Variants in FCF1 observed in about 807,000 individuals in gnomAD.
The protein encoded by FCF1 is rRNA-processing protein FCF1 homolog.
Under a neutral mutation model 32.5 loss-of-function variants are expected in FCF1, and 17 were observed. That is an observed-to-expected ratio of 0.52 (90% confidence interval 0.36 to 0.78). FCF1 has a LOEUF of 0.78. Ranked by LOEUF, FCF1 falls within the 30% of genes least tolerant of loss-of-function variation. The probability of loss-of-function intolerance (pLI) is 0.00; values close to 1 mark genes in which losing one functional copy is unlikely to be tolerated. For synonymous variants in FCF1, 84 were observed against 78.4 expected, an observed-to-expected ratio of 1.07 and a Z score of -0.38; for missense variants, 201 against 241.1, an observed-to-expected ratio of 0.83 and a Z score of 1.10.
intron 5 of FCF1, among the ~76,000 whole-genome samples, chr14:74,732,033 A>G (rs1390820232): frequency 6.6e-6 from 1 of 152,180 alleles, no homozygotes; most frequent in East Asian, 1.9e-4. Context: ...GTCCATTCTC[A>G]TACCCCAAGA....
chr14:74,726,210 G>A (rs1369645781), intron 5 of FCF1, among the ~76,000 whole-genome samples: 5 of 152,028 alleles, frequency 3.3e-5, no homozygotes, highest in Non-Finnish European at 2.9e-5. Flanking sequence ...CAGCAGTCAG[G>A]CACTGTGGCT....
At chr14:74,733,424 T>A (rs889154434) in intron 6 of FCF1, among the ~76,000 whole-genome samples, 10 of 3,388 alleles carry the variant, frequency 3.0e-3, no homozygotes, top group African/African-American at 0.015. Flanking sequence ...ATGGGGCGGG[T>A]GGGTGGGGCC....
chr14:74,719,519 G>A (rs1202874843), intron 4 of FCF1, among the ~76,000 whole-genome samples: 1 of 152,092 alleles, frequency 6.6e-6, no homozygotes, highest in Non-Finnish European at 1.5e-5. Context: ...CCAACGCTTT[G>A]GGAGGCCAAG....
chr14:74,719,129 CAA>C (rs1167421434), intron 4 of FCF1, among the ~76,000 whole-genome samples: 1 of 34,298 alleles, frequency 2.9e-5, no homozygotes, highest in Non-Finnish European at 5.6e-5. Context: ...GACTCTGTCT[CAA>C]AAAAAAAAAA....
intron 5 of FCF1, among the ~76,000 whole-genome samples, chr14:74,729,239 T>C (rs994125712): frequency 2.0e-5 from 3 of 152,120 alleles, no homozygotes; most frequent in African/African-American, 7.2e-5. Flanking sequence ...TCCTGGACTC[T>C]TTTTGGTTGG....
intron 5 of FCF1, among the ~76,000 whole-genome samples, chr14:74,723,684 C>T (rs1162458678): frequency 7.2e-5 from 11 of 151,740 alleles, no homozygotes; most frequent in African/African-American, 1.2e-4. Flanking sequence ...CAAAATTAGC[C>T]GGCTGTGGTG....
At position 74,713,267 on chromosome 14, in the gene FCF1, G is replaced by C. The variant is rs544116989; in HGVS notation, c.3+67G>C. ...TTTTGGGTGGAGAAGGAGGTAGTCA[G>C]ACCGTGGCCAAATTTCCTTCACATT... On this transcript the variant is annotated intron_variant, in intron 1 of 7. Transcript: ENST00000341162. 4.5e-4 allele frequency: 728 copies of C among 1,614,164 alleles called. 2 individuals carry two copies. The highest frequency in any genetic ancestry group is 5.6e-4 in the Non-Finnish European group (659 of 1,180,038).
At chr14:74,718,563 T>C (rs2090453046) in intron 4 of FCF1, among the ~76,000 whole-genome samples, 1 of 152,032 alleles carries the variant, frequency 6.6e-6, no homozygotes, top group South Asian at 2.1e-4. Context: ...AACCTCTGCC[T>C]CCCAGGTTCA....
chr14:74,726,657 C>T (rs1285164378), intron 5 of FCF1, among the ~76,000 whole-genome samples: 1 of 150,794 alleles, frequency 6.6e-6, no homozygotes. Flanking sequence ...GCACAATGTG[C>T]AGGTTAGTTA....
At chr14:74,730,399 T>A (rs1047697412) in intron 5 of FCF1, among the ~76,000 whole-genome samples, 18 of 151,884 alleles carry the variant, frequency 1.2e-4, no homozygotes, top group African/African-American at 3.6e-4. Flanking sequence ...TTCTTTTGCA[T>A]GGCTAATTTT....
At chr14:74,730,027 G>A (rs1161435156) in intron 5 of FCF1, among the ~76,000 whole-genome samples, 1 of 151,952 alleles carries the variant, frequency 6.6e-6, no homozygotes, top group Admixed American at 6.6e-5. Flanking sequence ...TTCCAAGTAT[G>A]TGGTCAATTT....
intron 5 of FCF1, among the ~76,000 whole-genome samples, chr14:74,725,029 T>C (rs2090557183): frequency 6.6e-6 from 1 of 151,890 alleles, no homozygotes; most frequent in African/African-American, 2.4e-5. Flanking sequence ...GTGTGCATAC[T>C]GTACGCTAGA....
At chr14:74,730,751 G>A (rs554341639) in intron 5 of FCF1, among the ~76,000 whole-genome samples, 64 of 152,294 alleles carry the variant, frequency 4.2e-4, no homozygotes, top group African/African-American at 1.4e-3. Flanking sequence ...TGTAATCCTA[G>A]CACTTTGGGA....
chr14:74,732,890 C>G (rs1302172369), intron 6 of FCF1, 72 bp downstream of exon 6: 2 of 901,054 alleles, frequency 2.2e-6, no homozygotes, highest in African/African-American at 3.4e-5. Context: ...CCTGAATGTT[C>G]ATGGTCAGTA....
At chr14:74,722,640 T>G (rs1282572437) in intron 4 of FCF1, among the ~76,000 whole-genome samples, 33 of 152,210 alleles carry the variant, frequency 2.2e-4, no homozygotes, top group Non-Finnish European at 7.4e-5. Flanking sequence ...ACATTTAAAT[T>G]TTATTTCATC....
intron 4 of FCF1, among the ~76,000 whole-genome samples, chr14:74,717,936 G>C (rs542629097): frequency 2.6e-4 from 40 of 152,192 alleles, no homozygotes; most frequent in Middle Eastern, 3.4e-3. Flanking sequence ...GTGCGTTGGC[G>C]TGATCTCAGC....
At chr14:74,717,718 G>GGTC (rs2090440438) in intron 4 of FCF1, among the ~76,000 whole-genome samples, 1 of 152,152 alleles carries the variant, frequency 6.6e-6, no homozygotes, top group African/African-American at 2.4e-5. Flanking sequence ...GGAATGCTGT[G>GGTC]ACCTACTTAT....
Position 74,735,145 on chromosome 14 carries a change from C to T in FCF1, c.*215C>T, listed in dbSNP as rs1594794457. On this transcript the variant is annotated 3_prime_UTR_variant, in exon 8 of 8. Coordinates refer to ENST00000341162, the MANE Select transcript of FCF1 (RefSeq NM_015962.5). ...TTACCTTTTAAGCATTTTGTGGGGC[C>T]GCGGGGGTTGGGGGGAATCTGTGCA... 4 of 273,852 alleles carry T rather than the reference C, an allele frequency of 1.5e-5. No homozygotes were observed. The highest frequency in any genetic ancestry group is 1.7e-4 in the East Asian group (2 of 11,662). The allele number at this position is 273,852 out of a possible 1,614,324, so 17.0% of individuals were successfully genotyped here.
At chr14:74,734,568 C>CA (rs1385616958) in intron 7 of FCF1, among the ~76,000 whole-genome samples, 4 of 150,678 alleles carry the variant, frequency 2.7e-5, no homozygotes, top group African/African-American at 9.7e-5. Context: ...TGTCAGTACT[C>CA]AGACTTATTT....
Sources: allele counts gnomAD v4.1 joint callset (sites outside exome capture counted in the v4.1 genomes callset), GRCh38; gene constraint gnomAD v4.1.1; transcripts MANE v1.5; gene names NCBI Gene and HGNC (gene_info 2026-07-23, HGNC 2026-07-21).